The following TTN variants were observed in gnomAD, a reference collection of about 807,000 sequenced individuals.
TTN encodes the protein titin, also known as connectin.
TTN carries 1,525 observed loss-of-function variants against 3,223.0 expected under a neutral mutation model. That is an observed-to-expected ratio of 0.47 (90% CI 0.45 to 0.49). The LOEUF is 0.49. Among genes scored for constraint, TTN ranks in the 20% least tolerant of loss-of-function variants. The probability of loss-of-function intolerance (pLI) is 0.00; values close to 1 mark genes in which losing one functional copy is unlikely to be tolerated. For synonymous variants in TTN, 14,094 were observed against 15,161.0 expected (o/e 0.93, Z 5.17); for missense variants, 40,786 against 43,424.0 (o/e 0.94, Z 5.40).
rs750160721 is a variant in TTN, at chr2:178,766,463, G to C, written c.9621C>G (p.Ile3207Met). The C allele has an allele frequency of 1.2e-6, 2 of 1,614,142 alleles. No homozygotes were observed. The highest frequency in any genetic ancestry group is 1.7e-6 in the Non-Finnish European group (2 of 1,180,004). The change falls in exon 41 of 363, where the codon ATC becomes ATG. Residue 3207 changes from isoleucine to methionine, a missense_variant. Physicochemically the swap from Ile to Met is conservative, Grantham distance 10. Transcript: ENST00000589042. ...VVERRIHRMF[I>M]SETRQSDAGE... is the part of the protein sequence containing the mutation. ...CTGCATCGCTCTGTCTGGTCTCAGA[G>C]ATAAACATTCGGTGGATTCTTCTTT...
At chr2:178,803,549 A>G (rs1430665435) in intron 2 of TTN, among the ~76,000 whole-genome samples, 2 of 151,982 alleles carry the variant, frequency 1.3e-5, no homozygotes, top group African/African-American at 2.4e-5. Flanking sequence ...ACAATGTAAA[A>G]GAAAGTATTA....
At chr2:178,630,165 G>T in intron 239 of TTN, 76 bp downstream of exon 239, 1 of 1,585,616 alleles carries the variant, frequency 6.3e-7, no homozygotes, top group Non-Finnish European at 8.6e-7. Context: ...AATAAAATAG[G>T]TCCAATTAAT....
At chr2:178,701,418 G>A in intron 110 of TTN, 110 bp downstream of exon 110, 3 of 1,181,202 alleles carry the variant, frequency 2.5e-6, no homozygotes, top group Non-Finnish European at 3.6e-6. Context: ...GACATGGAAG[G>A]TTTTGTTCTG....
chr2:178,564,002 A>G lies in TTN; in HGVS notation c.82130T>C (p.Leu27377Pro). The change falls in exon 326 of 363, where the codon CTG becomes CCG. Residue 27377 changes from leucine to proline, a missense_variant. Leu to Pro is a moderately conservative substitution (Grantham distance 98, BLOSUM62 -3). Transcript: ENST00000589042. ...LDRPGPPEGP[L>P]KVTGVTAEKC... The stretch of plus-strand genomic sequence containing the variant: ...TTCCGCAGTAACTCCAGTAACTTTC[A>G]GAGGCCCTTCAGGAGGCCCTGGCCT... The G allele has an allele frequency of 1.2e-6, 2 of 1,613,706 alleles. No homozygotes were observed. Among genetic ancestry groups the G allele is most frequent in the Non-Finnish European group, 8.5e-7 (1 of 1,179,726 alleles).
At position 178,560,319 on chromosome 2, in the gene TTN, C is replaced by G; in HGVS notation, c.85813G>C (p.Val28605Leu). 1 of 1,613,790 alleles carries G rather than the reference C, an allele frequency of 6.2e-7. No individual in the cohort carries two copies. The highest frequency in any genetic ancestry group is 8.5e-7 in the Non-Finnish European group (1 of 1,179,774). ...GTTGATTTCACTCTTAGATCATAAACTGGTTTTTTGTTTACACGCACCCAT... is the reference window on the plus strand; with the variant it reads ...GTTGATTTCACTCTTAGATCATAAAGTGGTTTTTTGTTTACACGCACCCAT... ...LRWVRVNKKP[V>L]YDLRVKSTGL... Residue 28605 changes from valine to leucine, a missense_variant, in exon 326 of 363, where the codon GTT becomes CTT. Physicochemically the swap from Val to Leu is conservative, Grantham distance 32 (BLOSUM62 1). Coordinates refer to ENST00000589042, the MANE Select transcript of TTN (RefSeq NM_001267550.2).
chr2:178,722,534 G>C lies in TTN; in HGVS notation c.22253C>G (p.Pro7418Arg), dbSNP rs751161471. Residue 7418 changes from proline to arginine, a missense_variant, in exon 77 of 363, where the codon CCA becomes CGA. By Grantham distance (103) the Pro-to-Arg change is moderately radical. Transcript: ENST00000589042. ...CTTTAATTGTCTTGCAAAAGAAGGTGGGAGTTGGCGCTCTGTAGGGAGACA... is the reference window on the plus strand; with the variant it reads ...CTTTAATTGTCTTGCAAAAGAAGGTCGGAGTTGGCGCTCTGTAGGGAGACA... ...TVFRIQERQL[P>R]PSFARQLKDI... The C allele has an allele frequency of 3.1e-6, 5 of 1,611,818 alleles. No homozygotes were observed. The highest frequency in any genetic ancestry group is 4.2e-6 in the Non-Finnish European group (5 of 1,178,568).
At chr2:178,680,978 A>C in intron 138 of TTN, 101 bp downstream of exon 138, 1 of 1,075,086 alleles carries the variant, frequency 9.3e-7, no homozygotes, top group South Asian at 1.6e-5. Flanking sequence ...CTGACAACTA[A>C]TTTAAAAGAC....
At position 178,569,930 on chromosome 2, in the gene TTN, T is replaced by A. The variant is rs1559385033; in HGVS notation, c.76202A>T (p.Asp25401Val). ...SPPSAYQKAC[D>V]PIYKPGPPNN... The stretch of plus-strand genomic sequence containing the variant: ...TGGGGGTCCTGGTTTATAAATAGGA[T>A]CACAAGCCTTTTGGTAAGCAGAAGG... Residue 25401 changes from aspartate (D) to valine (V), a missense_variant, in exon 326 of 363, where the codon GAT (aspartate) becomes GTT (valine). Coordinates refer to ENST00000589042, the MANE Select transcript of TTN (RefSeq NM_001267550.2). 2 of 1,613,018 alleles carry A rather than the reference T, an allele frequency of 1.2e-6. No homozygotes were observed. Among genetic ancestry groups the A allele is most frequent in the South Asian group, 2.2e-5 (2 of 91,012 alleles).
rs751399759 is a variant in TTN, at chr2:178,615,317, C to T, written c.48628G>A (p.Ala16210Thr). The T allele has an allele frequency of 6.2e-7, 1 of 1,612,276 alleles. No individual in the cohort carries two copies. Among genetic ancestry groups the T allele is most frequent in the East Asian group, 2.2e-5 (1 of 44,666 alleles). ...AAATTAAAAACCTACTTTGTTTCTG[C>T]AACAGGTTCTCCACAGGCAACCCAT... is the stretch of plus-strand genomic sequence containing the variant. Reference protein sequence around the residue: ...DKWVACGEPVAETKMEVTGLE... With the variant: ...DKWVACGEPVTETKMEVTGLE... Residue 16210 changes from alanine (A) to threonine (T), a missense_variant, in exon 259 of 363, where the codon GCA (alanine) becomes ACA (threonine). By Grantham distance (58) the Ala-to-Thr change is moderately conservative. Transcript: ENST00000589042.
At position 178,768,881 on chromosome 2, in the gene TTN, A is replaced by G. The variant is rs774980824; in HGVS notation, c.8955T>C (p.Thr2985=). 4 of 1,614,080 alleles carry G rather than the reference A, an allele frequency of 2.5e-6. 1 individual carries two copies. In the South Asian group the frequency reaches 4.4e-5, roughly 18 times the overall value. The change falls in exon 38 of 363, where the codon ACT becomes ACC. Residue 2985 remains threonine (T), a synonymous_variant. Coordinates refer to ENST00000589042, the MANE Select transcript of TTN (RefSeq NM_001267550.2). The part of the protein sequence containing the change: ...LKDINAEEKD[T]ITFEVTVNYE... The stretch of plus-strand genomic sequence containing the variant: ...AGTTCACTGTCACCTCAAAAGTAAT[A>G]GTGTCTTTTTCTTCAGCGTTGATGT...
rs1465644822 is a variant in TTN at position 178,605,059 on chromosome 2, T to C, written c.54118A>G (p.Lys18040Glu). 1.2e-6 allele frequency: 2 copies of C among 1,612,468 alleles called. No individual in the cohort carries two copies. Among genetic ancestry groups the C allele is most frequent in the Non-Finnish European group, 1.7e-6 (2 of 1,179,012 alleles). Residue 18040 changes from lysine to glutamate, a missense_variant, in exon 280 of 363, where the codon AAA becomes GAA. By Grantham distance (56) the Lys-to-Glu change is moderately conservative (BLOSUM62 1). Transcript: ENST00000589042. ...GAAGCAGTAACTGTGTAAGTGCCTT[T>C]GTCCTCCCGGACCGCTTTGGGAATG... ...LSIPKAVRED[K>E]GTYTVTASNR...
chr2:178,701,564 T>C lies in TTN; in HGVS notation c.30562A>G (p.Ile10188Val), dbSNP rs992949439. 7 of 1,613,726 alleles carry C rather than the reference T, an allele frequency of 4.3e-6. No individual in the cohort carries two copies. The South Asian group carries it at 4.4e-5, about 10-fold the overall frequency. Residue 10188 changes from isoleucine to valine, a missense_variant, in exon 110 of 363, where the codon ATC becomes GTC. By Grantham distance (29) the Ile-to-Val change is conservative (BLOSUM62 3). Coordinates refer to ENST00000589042, the MANE Select transcript of TTN (RefSeq NM_001267550.2). ...PPDIPDSRVP[I>V]PTMPIRAVPP... ...ACTGCTCTGATAGGCATGGTTGGGA[T>C]TGGAACTCTGGAGTCAGGAATATCT...
rs758854666 is a variant in TTN, at chr2:178,653,265, T to C, written c.38764A>G (p.Lys12922Glu). The C allele has an allele frequency of 2.5e-6, 4 of 1,612,424 alleles. No homozygotes were observed. The highest frequency in any genetic ancestry group is 1.7e-6 in the Non-Finnish European group (2 of 1,179,442). The change falls in exon 198 of 363, where the codon AAA becomes GAA. Residue 12922 changes from lysine to glutamate, a missense_variant. Lys to Glu is a moderately conservative substitution (Grantham distance 56). Coordinates refer to ENST00000589042, the MANE Select transcript of TTN (RefSeq NM_001267550.2). Reference protein sequence around the residue: ...LEKKVPLAPPKKPEVPPVKVP... With the variant: ...LEKKVPLAPPEKPEVPPVKVP... ...TTAACAGGTGGGACTTCAGGCTTTTTAGGAGGAGCCAAGGGCACTTTCTTT... is the reference window on the plus strand; with the variant it reads ...TTAACAGGTGGGACTTCAGGCTTTTCAGGAGGAGCCAAGGGCACTTTCTTT...
Position 178,649,820 on chromosome 2 carries a change from T to C in TTN, c.39892A>G (p.Lys13298Glu). Residue 13298 changes from lysine to glutamate, a missense_variant, in exon 211 of 363, where the codon AAA becomes GAA. Coordinates refer to ENST00000589042, the MANE Select transcript of TTN (RefSeq NM_001267550.2). ...GTATTCATTTTAACATGAGTACCTT[T>C]AGGAGGCGGTGCTTCTGGTTTTTTG... Reference protein sequence around the residue: ...VIKKPEAPPPKEPEMPKKVVP... With the variant: ...VIKKPEAPPPEEPEMPKKVVP... 6.2e-7 allele frequency: 1 copy of C among 1,612,466 alleles called. No homozygotes were observed.
At position 178,563,686 on chromosome 2, in the gene TTN, G is replaced by A. The variant is rs768861950; in HGVS notation, c.82446C>T (p.Thr27482=). ...PPSTPEVSAI[T]KDSMVVTWAR... ...CCCATGTTACTACCATAGAATCTTTGGTGATTGCTGAGACTTCAGGTGTTG... is the reference window on the plus strand; with the variant it reads ...CCCATGTTACTACCATAGAATCTTTAGTGATTGCTGAGACTTCAGGTGTTG... Residue 27482 remains threonine (T), a synonymous_variant, in exon 326 of 363, where the codon ACC becomes ACT. Transcript: ENST00000589042. The surrounding 1 kb of genome is among the most constrained non-coding windows in gnomAD (Gnocchi z 4.5). 1 of 1,613,734 alleles carries A rather than the reference G, an allele frequency of 6.2e-7. No individual in the cohort carries two copies. Among genetic ancestry groups the A allele is most frequent in the Non-Finnish European group, 8.5e-7 (1 of 1,179,756 alleles).
Position 178,741,065 on chromosome 2 carries a change from G to A in TTN, c.12168C>T (p.Pro4056=), listed in dbSNP as rs956326258. The change falls in exon 48 of 363, where the codon CCC becomes CCT. Residue 4056 remains proline, a synonymous_variant. Coordinates refer to ENST00000589042, the MANE Select transcript of TTN (RefSeq NM_001267550.2). ...PEAPEDFPQT[P]LKGPAVEALD... is the part of the protein sequence containing the mutation. Reference sequence around the variant, plus strand: ...GTGCTTCAACTGCGGGACCCTTTAAGGGTGTCTGTGGAAAATCCTCAGGAG... The same window carrying A: ...GTGCTTCAACTGCGGGACCCTTTAAAGGTGTCTGTGGAAAATCCTCAGGAG... The A allele has an allele frequency of 1.2e-6, 2 of 1,613,912 alleles. No homozygotes were observed. Among genetic ancestry groups the A allele is most frequent in the African/African-American group, 1.3e-5 (1 of 75,042 alleles).
At chr2:178,558,761 T>C in intron 326 of TTN, 124 bp from the exon 327 acceptor site, 2 of 1,125,778 alleles carry the variant, frequency 1.8e-6, no homozygotes, top group Non-Finnish European at 2.5e-6. Flanking sequence ...GATTTTAGTC[T>C]TCCTTTTTAC....
chr2:178,631,533 T>A (rs72650087), intron 236 of TTN, among the ~76,000 whole-genome samples: 2,532 of 152,172 alleles, frequency 0.017, 37 homozygotes, highest in Middle Eastern at 0.051. Flanking sequence ...AACATTTTAT[T>A]AACAGTAGCT....
At chr2:178,631,384 C>G in intron 236 of TTN, 84 bp from the exon 237 acceptor site, 1 of 1,397,330 alleles carries the variant, frequency 7.2e-7, no homozygotes, top group Non-Finnish European at 9.6e-7. Flanking sequence ...ACACAACTCA[C>G]AGAGTTCTGA....
Sources: gnomAD v4.1 joint callset for allele counts (sites outside exome capture counted in the v4.1 genomes callset) on GRCh38, gnomAD v4.1.1 for gene constraint, Gnocchi (gnomAD v3.1) non-coding constraint, MANE v1.5 for transcripts, NCBI Gene and HGNC (gene_info 2026-07-23, HGNC 2026-07-21) for gene names.